The following URI1 variants were observed in gnomAD, a reference collection of about 807,000 sequenced individuals.
URI1 encodes the protein URI1 prefoldin like chaperone, also known as unconventional prefoldin RPB5 interactor 1.
Under a neutral mutation model 60.2 loss-of-function variants are expected in URI1, and 39 were observed. That is an observed-to-expected ratio of 0.65 (90% CI 0.50 to 0.85). The LOEUF (loss-of-function observed/expected upper bound fraction) is 0.85, where lower values mean the gene tolerates loss of function less well. URI1 is among the 40% of genes least tolerant of loss of function. URI1 has a pLI of 0.00. For missense variants in URI1, 691 were observed against 665.9 expected (o/e 1.04, Z -0.42); for synonymous variants, 251 against 236.8 (o/e 1.06, Z -0.55).
chr19:29,925,108 T>C (rs759328319), intron 1 of URI1, among the ~76,000 whole-genome samples: 2 of 152,224 alleles, frequency 1.3e-5, no homozygotes, highest in Non-Finnish European at 2.9e-5. Context: ...AGTGCTGGGA[T>C]TACAGGCGTG....
Position 29,971,202 on chromosome 19 carries a change from A to C in URI1, c.127A>C (p.Asn43His). The C allele has an allele frequency of 6.2e-7, 1 of 1,613,342 alleles. No individual in the cohort carries two copies. The highest frequency in any genetic ancestry group is 8.5e-7 in the Non-Finnish European group (1 of 1,179,456). ...LREEQEKVVTNCQERIQHWKK... is the reference protein window; with the variant it reads ...LREEQEKVVTHCQERIQHWKK... The stretch of plus-strand genomic sequence containing the variant: ...TCTGTTTTCATGACAGGTGGTCACT[A>C]ACTGCCAAGAGAGAATCCAGCATTG... Residue 43 changes from asparagine to histidine, a missense_variant, in exon 2 of 11, where the codon AAC (asparagine) becomes CAC (histidine). Physicochemically the swap from Asn to His is moderately conservative, Grantham distance 68. Transcript: ENST00000392271.
At chr19:29,991,971 G>T (rs796366723) in intron 4 of URI1, among the ~76,000 whole-genome samples, 15 of 152,118 alleles carry the variant, frequency 9.9e-5, no homozygotes, top group African/African-American at 3.4e-4. Flanking sequence ...TGTATTACTG[G>T]ATTTGATACA....
At chr19:29,956,448 G>T in intron 1 of URI1, 2 of 1,587,214 alleles carry the variant, frequency 1.3e-6, no homozygotes, top group African/African-American at 1.3e-5. Context: ...CTTTTTCAGA[G>T]ACATAGATAC....
At chr19:29,931,432 G>GGC (rs1346934255) in intron 1 of URI1, among the ~76,000 whole-genome samples, 5 of 152,238 alleles carry the variant, frequency 3.3e-5, no homozygotes, top group Non-Finnish European at 5.9e-5. Flanking sequence ...TGCAGAGCAA[G>GGC]AGAAAGCTCT....
chr19:29,991,434 A>T (rs1339094795), intron 4 of URI1, among the ~76,000 whole-genome samples: 1 of 152,202 alleles, frequency 6.6e-6, no homozygotes, highest in African/African-American at 2.4e-5. Context: ...AACTCTTTTT[A>T]AAAAAGAATT....
chr19:30,009,355 T>G lies in URI1; in HGVS notation c.1035+2T>G. On this transcript the variant is annotated splice_donor_variant, in intron 8 of 10. Transcript: ENST00000392271. LOFTEE classifies it high-confidence loss of function. ...TCACATACTGTTGAGCCTAAGAGGGTTTGTATACTTTTAACTTTACTAATT... is the reference window on the plus strand; with the variant it reads ...TCACATACTGTTGAGCCTAAGAGGGGTTGTATACTTTTAACTTTACTAATT... 1 of 1,604,272 alleles carries G rather than the reference T, an allele frequency of 6.2e-7. No homozygotes were observed. Among genetic ancestry groups the G allele is most frequent in the Admixed American group, 1.7e-5 (1 of 59,188 alleles).
chr19:29,964,205 C>A (rs1393569552), intron 1 of URI1, among the ~76,000 whole-genome samples: 1 of 152,192 alleles, frequency 6.6e-6, no homozygotes, highest in Non-Finnish European at 1.5e-5. Context: ...GTTCTCCCCT[C>A]TCTGAATCCT....
chr19:30,001,429 G>A (rs1240817445), intron 4 of URI1, among the ~76,000 whole-genome samples: 1 of 151,808 alleles, frequency 6.6e-6, no homozygotes, highest in Non-Finnish European at 1.5e-5. Context: ...GGTTCAGTAT[G>A]TTCACTTGGA....
At chr19:29,949,027 G>A (rs1195728221) in intron 1 of URI1, among the ~76,000 whole-genome samples, 1 of 146,388 alleles carries the variant, frequency 6.8e-6, no homozygotes, top group South Asian at 2.1e-4. Context: ...CCTCCCTCCC[G>A]GACGGGGCAG....
At chr19:29,943,629 C>G (rs576922950) in intron 1 of URI1, among the ~76,000 whole-genome samples, 8 of 152,046 alleles carry the variant, frequency 5.3e-5, no homozygotes, top group Non-Finnish European at 1.0e-4. Flanking sequence ...TACATAGATA[C>G]AAAAATATAC....
intron 1 of URI1, chr19:29,956,937 C>G: frequency 9.7e-7 from 1 of 1,033,400 alleles, no homozygotes; most frequent in Non-Finnish European, 1.5e-6. Flanking sequence ...TTCAGAGTAA[C>G]GTTGACATTT....
intron 6 of URI1, among the ~76,000 whole-genome samples, chr19:30,006,806 T>C (rs1366294636): frequency 6.6e-6 from 1 of 152,136 alleles, no homozygotes; most frequent in Non-Finnish European, 1.5e-5. Context: ...TAAAAAATAA[T>C]CTATTTTTTA....
In URI1 at chr19:29,985,310, G is replaced by C. The variant is rs201256780; in HGVS notation, c.231+9G>C. On this transcript the variant is annotated intron_variant, in intron 3 of 10. Transcript: ENST00000392271. ...TGTCTTATAATATAATGGTATGTTT[G>C]GTGTGTTTCTTTTAAAGTAATAGTT... The C allele has an allele frequency of 1.9e-5, 30 of 1,601,690 alleles. No individual in the cohort carries two copies. In the South Asian group the frequency reaches 3.4e-4, roughly 18 times the overall value.
At position 30,003,692 on chromosome 19, in the gene URI1, A is replaced by G. The variant is rs143013220; in HGVS notation, c.368-1669A>G. On this transcript the variant is annotated intron_variant, in intron 4 of 10. Coordinates refer to ENST00000392271, the MANE Select transcript of URI1 (RefSeq NM_003796.3). Reference sequence around the variant, plus strand: ...CTCCTATAACATCAGTGAACAATCAATTCTTTACACATTGACAACCCAAGG... The same window carrying G: ...CTCCTATAACATCAGTGAACAATCAGTTCTTTACACATTGACAACCCAAGG... Among the ~76,000 whole-genome samples, 507 of 152,154 alleles carry G rather than the reference A, an allele frequency of 3.3e-3. 2 individuals are homozygous for G. The highest frequency in any genetic ancestry group is 0.011 in the African/African-American group (477 of 41,534).
chr19:29,986,992 G>C (rs1264457253), intron 4 of URI1, among the ~76,000 whole-genome samples: 1 of 152,054 alleles, frequency 6.6e-6, no homozygotes, highest in Admixed American at 6.5e-5. Context: ...GGCAGCTCTT[G>C]AGTTTTGTTT....
At chr19:29,995,924 T>C (rs2055806911) in intron 4 of URI1, among the ~76,000 whole-genome samples, 1 of 152,226 alleles carries the variant, frequency 6.6e-6, no homozygotes, top group Non-Finnish European at 1.5e-5. Context: ...CATACATTTA[T>C]GAGGTCTTAT....
chr19:29,949,703 C>A (rs2055154307), intron 1 of URI1, among the ~76,000 whole-genome samples: 2 of 152,114 alleles, frequency 1.3e-5, no homozygotes, highest in Non-Finnish European at 2.9e-5. Flanking sequence ...CGGTTAGGAG[C>A]TGGAGACCAG....
At chr19:29,940,261 G>A (rs143112941), upstream of URI1, among the ~76,000 whole-genome samples, 557 of 152,204 alleles carry the variant, frequency 3.7e-3, 3 homozygotes, top group African/African-American at 0.013. Flanking sequence ...GGTGGTCTGG[G>A]GGGCTGTCTG....
chr19:29,954,524 T>TG (rs1413357562), intron 1 of URI1, among the ~76,000 whole-genome samples: 1 of 149,452 alleles, frequency 6.7e-6, no homozygotes, highest in Non-Finnish European at 1.5e-5. Context: ...TTTTTTTTTT[T>TG]TTTTTTTGAG....
Sources: allele counts gnomAD v4.1 joint callset (sites outside exome capture counted in the v4.1 genomes callset), GRCh38; gene constraint gnomAD v4.1.1; transcripts MANE v1.5; gene names NCBI Gene and HGNC (gene_info 2026-07-23, HGNC 2026-07-21).